PRR5: variants seen among roughly 807,000 people sequenced by gnomAD.
The protein encoded by PRR5 is proline-rich protein 5.
In PRR5, 25 loss-of-function variants were observed where a neutral mutation model predicts 30.6. The ratio of observed to expected loss-of-function variants is 0.82; its 90% CI spans 0.60 to 1.14. PRR5 has a LOEUF of 1.14. PRR5 is among the 50% of genes most tolerant of loss of function. The probability of loss-of-function intolerance (pLI) is 0.00; values close to 1 mark genes in which losing one functional copy is unlikely to be tolerated. For synonymous variants in PRR5, 286 were observed against 247.1 expected (o/e 1.16, Z -1.48); for missense variants, 600 against 547.1 (o/e 1.10, Z -0.96).
intron 1 of PRR5, among the ~76,000 whole-genome samples, chr22:44,710,405 G>C (rs372757873): frequency 6.6e-6 from 1 of 152,144 alleles, no homozygotes; most frequent in East Asian, 1.9e-4. Flanking sequence ...GGGCTGGGGG[G>C]GCTTCCTAGA....
intron 1 of PRR5, among the ~76,000 whole-genome samples, chr22:44,684,488 A>G (rs1366223063): frequency 1.3e-5 from 2 of 152,194 alleles, no homozygotes; most frequent in East Asian, 1.9e-4. Context: ...TGGAGGTTGC[A>G]GTGAGCCGAG....
chr22:44,733,823 C>G (rs12483883), intron 6 of PRR5, among the ~76,000 whole-genome samples: 2,679 of 152,270 alleles, frequency 0.018, 49 homozygotes, highest in Non-Finnish European at 0.026. Flanking sequence ...GGAGCCTGTA[C>G]CAGCCCCGAA....
intron 1 of PRR5, among the ~76,000 whole-genome samples, chr22:44,712,939 C>A (rs1253352127): frequency 6.6e-6 from 1 of 152,192 alleles, no homozygotes; most frequent in African/African-American, 2.4e-5. Context: ...GGTCAGAGGG[C>A]TTCTTGCAGG....
At position 44,696,985 on chromosome 22, in the gene PRR5, C is replaced by T. The variant is rs534903361; in HGVS notation, c.-10-5507C>T. ...CTCCTGACCTCAGGTGATCCACTGG[C>T]CTCAGCCTCCTAAAGTACTGGGATC... On this transcript the variant is annotated intron_variant, in intron 1 of 8. Transcript: ENST00000006251. 3.3e-5 allele frequency among the ~76,000 whole-genome samples: 5 copies of T among 152,274 alleles called. No individual in the cohort carries two copies. The East Asian group carries it at 9.6e-4, about 29-fold the overall frequency.
intron 1 of PRR5, among the ~76,000 whole-genome samples, chr22:44,704,007 C>T (rs1926791298): frequency 6.6e-6 from 1 of 152,260 alleles, no homozygotes; most frequent in African/African-American, 2.4e-5. Flanking sequence ...AACTCTGCCT[C>T]TTCCCTACTC....
At chr22:44,712,554 C>T (rs1928420212) in intron 1 of PRR5, among the ~76,000 whole-genome samples, 1 of 152,210 alleles carries the variant, frequency 6.6e-6, no homozygotes, top group Admixed American at 6.5e-5. Flanking sequence ...GCCCAAGATG[C>T]TGGCCGCTCT....
chr22:44,725,361 C>A (rs958698004), intron 3 of PRR5, 69 bp downstream of exon 3: 16 of 1,600,896 alleles, frequency 1.0e-5, no homozygotes, highest in Non-Finnish European at 8.5e-7. Context: ...AGGGGCTCAC[C>A]TGCCCCCGGG....
In PRR5 at chr22:44,731,752, G is replaced by A; in HGVS notation, c.345G>A (p.Leu115=). Residue 115 remains leucine (L), a synonymous_variant, in exon 5 of 8, where the codon CTG becomes CTA. Coordinates refer to ENST00000336985, the MANE Select transcript of PRR5 (RefSeq NM_181333.4). ...FYEGQKLLDS[L]AETWDFFFSD... is the part of the protein sequence containing the mutation. Reference sequence around the variant, plus strand: ...CAGGACAGAAGCTGCTGGACTCACTGGCAGAGACCTGGGACTTCTTCTTCA... The same window carrying A: ...CAGGACAGAAGCTGCTGGACTCACTAGCAGAGACCTGGGACTTCTTCTTCA... 1.9e-6 allele frequency: 3 copies of A among 1,613,820 alleles called. No individual in the cohort carries two copies. Among genetic ancestry groups the A allele is most frequent in the Non-Finnish European group, 2.5e-6 (3 of 1,180,016 alleles).
At chr22:44,686,190 G>A (rs947853791) in intron 1 of PRR5, among the ~76,000 whole-genome samples, 2 of 152,072 alleles carry the variant, frequency 1.3e-5, no homozygotes, top group Non-Finnish European at 2.9e-5. Flanking sequence ...GAGAGAGGTT[G>A]CAGTGAGCTG....
intron 1 of PRR5, among the ~76,000 whole-genome samples, chr22:44,684,022 C>T (rs12169229): frequency 1.3e-5 from 2 of 152,126 alleles, no homozygotes; most frequent in African/African-American, 4.8e-5. Flanking sequence ...GGGTGTGTCC[C>T]CCGGACTGGG....
chr22:44,727,300 G>A (rs994190240), intron 4 of PRR5, among the ~76,000 whole-genome samples: 5 of 152,130 alleles, frequency 3.3e-5, no homozygotes, highest in African/African-American at 7.2e-5. Flanking sequence ...CAGCAGCAGC[G>A]TGCGCATCCT....
chr22:44,721,452 A>T (rs1461616818), intron 2 of PRR5, among the ~76,000 whole-genome samples: 1 of 152,218 alleles, frequency 6.6e-6, no homozygotes, highest in African/African-American at 2.4e-5. Context: ...ACCCATCAGA[A>T]GCTGAAGTTA....
chr22:44,699,771 A>G (rs73416567), upstream of PRR5, among the ~76,000 whole-genome samples: 3,260 of 152,294 alleles, frequency 0.021, 132 homozygotes, highest in African/African-American at 0.075. Context: ...CTTCTCTGAA[A>G]GACGTTCTAG....
rs575155687 is a variant in PRR5 at position 44,736,757 on chromosome 22, C to T, written c.692-15C>T. On this transcript the variant is annotated splice_polypyrimidine_tract_variant and intron_variant, in intron 7 of 7. Transcript: ENST00000336985. The stretch of plus-strand genomic sequence containing the variant: ...AGGTGGCCTCTGGTGTGACAGTGCC[C>T]GTGTCTCTCCCCAGAAAAGCGCCTC... 6.8e-5 allele frequency: 104 copies of T among 1,531,946 alleles called. No individual in the cohort carries two copies. The highest frequency in any genetic ancestry group is 8.3e-5 in the Non-Finnish European group (94 of 1,136,082). 94.9% of individuals were successfully genotyped at this position (1,531,946 alleles called of 1,614,324 possible).
upstream of PRR5, among the ~76,000 whole-genome samples, chr22:44,697,885 C>T (rs1260525056): frequency 6.6e-6 from 1 of 152,192 alleles, no homozygotes; most frequent in Non-Finnish European, 1.5e-5. Flanking sequence ...GTGGCCGCCC[C>T]TGTATCATGC....
At chr22:44,713,440 C>G (rs1928564640) in intron 1 of PRR5, among the ~76,000 whole-genome samples, 2 of 152,068 alleles carry the variant, frequency 1.3e-5, no homozygotes, top group South Asian at 4.1e-4. Context: ...GCCATGTTGG[C>G]CAGGCTGGTC....
At chr22:44,670,196 G>A (rs1923344987) in intron 1 of PRR5, among the ~76,000 whole-genome samples, 1 of 152,210 alleles carries the variant, frequency 6.6e-6, no homozygotes, top group Non-Finnish European at 1.5e-5. Flanking sequence ...GCCCATCCTG[G>A]CGTCTACAAC....
Position 44,737,513 on chromosome 22 carries a change from C to G in PRR5, c.*266C>G. On this transcript the variant is annotated 3_prime_UTR_variant, in exon 8 of 8. Transcript: ENST00000336985. ...CGGGGGTCGGCCGCTCGCTCCCACG[C>G]TCCTCCTGCCCCAGCCCTCTGGTGT... 1.9e-6 allele frequency: 1 copy of G among 534,990 alleles called. No homozygotes were observed. The highest frequency in any genetic ancestry group is 3.1e-6 in the Non-Finnish European group (1 of 323,042). 33.1% of individuals were successfully genotyped at this position (534,990 alleles called of 1,614,324 possible). A position where few individuals can be genotyped will look rare whatever the true frequency, so the allele number is the denominator to read the frequency against.
At chr22:44,702,997 C>T (rs1407327366) in intron 1 of PRR5, among the ~76,000 whole-genome samples, 2 of 152,182 alleles carry the variant, frequency 1.3e-5, no homozygotes, top group Non-Finnish European at 2.9e-5. Flanking sequence ...CGGCTGAGCA[C>T]GGGAGCCTCG....
Sources: gnomAD v4.1 joint callset for allele counts (sites outside exome capture counted in the v4.1 genomes callset) on GRCh38, gnomAD v4.1.1 for gene constraint, MANE v1.5 for transcripts, NCBI Gene and HGNC (gene_info 2026-07-23, HGNC 2026-07-21) for gene names.